The following ANO10 variants were observed in gnomAD, a reference collection of about 807,000 sequenced individuals.
The protein encoded by ANO10 is anoctamin 10.
ANO10 carries 77 observed loss-of-function variants against 74.7 expected under a neutral mutation model. That is an observed-to-expected ratio of 1.03 (90% CI 0.86 to 1.25). ANO10 has a LOEUF of 1.25. Ranked by LOEUF, ANO10 falls within the 50% of genes most tolerant of loss-of-function variation. The pLI is 0.00. For synonymous variants in ANO10, 279 were observed against 284.9 expected, an observed-to-expected ratio of 0.98 and a Z score of 0.21; for missense variants, 721 against 778.1, an observed-to-expected ratio of 0.93 and a Z score of 0.87.
At chr3:43,386,659 G>A (rs940200893) in intron 12 of ANO10, among the ~76,000 whole-genome samples, 1 of 137,324 alleles carries the variant, frequency 7.3e-6, no homozygotes, top group Non-Finnish European at 1.7e-5. Context: ...GTGTGTGTGT[G>A]TGTGTGTGTG....
intron 1 of ANO10, chr3:43,691,274 G>A (rs2084374352): frequency 2.4e-5 from 9 of 375,196 alleles, no homozygotes; most frequent in Admixed American, 4.6e-5. Context: ...CCGGACTCCG[G>A]CCGCGCCGGG....
intron 2 of ANO10, 54 bp downstream of exon 2, chr3:43,605,660 G>A (rs1248405916): frequency 4.4e-6 from 7 of 1,593,966 alleles, no homozygotes; most frequent in Non-Finnish European, 2.6e-6. Context: ...GTGGGAGGCT[G>A]AGCATACAGT....
chr3:43,458,844 T>C (rs2075255607), intron 11 of ANO10, among the ~76,000 whole-genome samples: 1 of 152,168 alleles, frequency 6.6e-6, no homozygotes, highest in Non-Finnish European at 1.5e-5. Flanking sequence ...GTGTGTGATA[T>C]TCCCCTCCCT....
chr3:43,576,754 G>A lies in ANO10; in HGVS notation c.1100C>T (p.Ala367Val), dbSNP rs1433660264. The change falls in exon 6 of 13, where the codon GCC becomes GTC. Residue 367 changes from alanine (A) to valine (V), a missense_variant. Physicochemically the swap from Ala to Val is moderately conservative, Grantham distance 64. Transcript: ENST00000292246. Reference protein sequence around the residue: ...VLLYVPSIIYAIVIEIMNRLY... With the variant: ...VLLYVPSIIYVIVIEIMNRLY... ...ACGATTCATGATCTCAATCACAATG[G>A]CATAGATGATGCTGGGCACATACAA... 5.6e-6 allele frequency: 9 copies of A among 1,614,152 alleles called. No individual in the cohort carries two copies. The highest frequency in any genetic ancestry group is 7.6e-6 in the Non-Finnish European group (9 of 1,180,028).
chr3:43,499,169 C>T (rs922987853), intron 11 of ANO10, among the ~76,000 whole-genome samples: 3 of 152,136 alleles, frequency 2.0e-5, no homozygotes, highest in Non-Finnish European at 2.9e-5. Flanking sequence ...AACAATGGCA[C>T]AGGCAAATGC....
At chr3:43,589,005 G>A (rs921441160) in intron 4 of ANO10, among the ~76,000 whole-genome samples, 1 of 152,016 alleles carries the variant, frequency 6.6e-6, no homozygotes, top group Non-Finnish European at 1.5e-5. Context: ...CAATGTATAC[G>A]TAATATAAAT....
intron 1 of ANO10, chr3:43,637,795 CA>C (rs2083629950): frequency 6.6e-6 from 1 of 151,984 alleles, no homozygotes; most frequent in African/African-American, 2.4e-5. Context: ...TTAAAGAAAA[CA>C]AATTATGAGG....
intron 12 of ANO10, among the ~76,000 whole-genome samples, chr3:43,392,274 G>T (rs1156668852): frequency 6.6e-6 from 1 of 150,696 alleles, no homozygotes; most frequent in Non-Finnish European, 1.5e-5. Flanking sequence ...TTATTCCCCA[G>T]TTCCCCATCT....
chr3:43,417,075 G>A (rs1407423909), intron 12 of ANO10, among the ~76,000 whole-genome samples: 5 of 152,188 alleles, frequency 3.3e-5, no homozygotes, highest in Non-Finnish European at 7.3e-5. Flanking sequence ...AAATTACTTA[G>A]GCAGATAGGG....
intron 8 of ANO10, among the ~76,000 whole-genome samples, chr3:43,561,657 T>C (rs958305964): frequency 1.1e-4 from 17 of 152,124 alleles, no homozygotes; most frequent in Non-Finnish European, 2.1e-4. Context: ...AATAAGATTA[T>C]AATACAAATA....
intron 11 of ANO10, among the ~76,000 whole-genome samples, chr3:43,527,018 TAC>T (rs1292876109): frequency 7.5e-6 from 1 of 133,904 alleles, no homozygotes; most frequent in Non-Finnish European, 1.6e-5. Context: ...ATATATATGG[TAC>T]ATACAATGGA....
intron 12 of ANO10, chr3:43,424,488 A>G (rs2092868329): frequency 6.6e-6 from 1 of 152,232 alleles, no homozygotes; most frequent in African/African-American, 2.4e-5. Context: ...GATAACATGT[A>G]GAATCTAAGA....
chr3:43,637,262 G>A (rs2083621313), intron 1 of ANO10, among the ~76,000 whole-genome samples: 1 of 152,084 alleles, frequency 6.6e-6, no homozygotes, highest in Admixed American at 6.5e-5. Context: ...GAGGTCAGGA[G>A]TTCAAGACCA....
At chr3:43,375,340 C>T (rs1383601014) in intron 12 of ANO10, among the ~76,000 whole-genome samples, 9 of 151,884 alleles carry the variant, frequency 5.9e-5, no homozygotes, top group South Asian at 2.1e-4. Flanking sequence ...CCCAGCTACT[C>T]GGGAGGCTAG....
chr3:43,458,645 T>C (rs2075246015), intron 11 of ANO10, among the ~76,000 whole-genome samples: 1 of 152,138 alleles, frequency 6.6e-6, no homozygotes, highest in Non-Finnish European at 1.5e-5. Context: ...ACCGACTTCT[T>C]TTTTCTCTTT....
At chr3:43,600,700 T>C in intron 2 of ANO10, 119 bp from the exon 3 acceptor site, 1 of 844,944 alleles carries the variant, frequency 1.2e-6, no homozygotes, top group Non-Finnish European at 1.9e-6. Flanking sequence ...ATATTAGCAA[T>C]TTAAATCCAT....
At chr3:43,546,078 C>T (rs1446299561) in intron 11 of ANO10, among the ~76,000 whole-genome samples, 1 of 152,116 alleles carries the variant, frequency 6.6e-6, no homozygotes, top group East Asian at 1.9e-4. Context: ...ACAAAATTTT[C>T]TATTGAGAAA....
intron 10 of ANO10, among the ~76,000 whole-genome samples, chr3:43,554,468 C>T (rs1369381208): frequency 1.3e-5 from 2 of 152,172 alleles, no homozygotes; most frequent in East Asian, 3.9e-4. Flanking sequence ...GCTGGGATTA[C>T]AGGTGTGAGC....
intron 11 of ANO10, among the ~76,000 whole-genome samples, chr3:43,451,490 T>C (rs1314996428): frequency 6.6e-6 from 1 of 152,194 alleles, no homozygotes; most frequent in African/African-American, 2.4e-5. Flanking sequence ...ACGAAAGTCC[T>C]GCACACTAGT....
Sources: allele counts gnomAD v4.1 joint callset (sites outside exome capture counted in the v4.1 genomes callset), GRCh38; gene constraint gnomAD v4.1.1; transcripts MANE v1.5; gene names NCBI Gene and HGNC (gene_info 2026-07-23, HGNC 2026-07-21).